Variants in CCDC88B observed in about 807,000 individuals in gnomAD.
The protein encoded by CCDC88B is coiled-coil domain-containing protein 88B.
Under a neutral mutation model 183.7 loss-of-function variants are expected in CCDC88B, and 138 were observed. The observed-to-expected ratio is 0.75, with a 90% CI of 0.65 to 0.87. CCDC88B has a LOEUF of 0.87. CCDC88B is among the 40% of genes least tolerant of loss of function. The pLI is 0.00. For synonymous variants in CCDC88B, 835 were observed against 867.5 expected (o/e 0.96, Z 0.66); for missense variants, 1,822 against 1,965.6 (o/e 0.93, Z 1.38).
intron 14 of CCDC88B, chr11:64,348,837 G>C: frequency 1.7e-6 from 1 of 601,370 alleles, no homozygotes; most frequent in Non-Finnish European, 3.0e-6. Context: ...CTAGCTGGCA[G>C]CATCCTGGCG....
intron 11 of CCDC88B, 37 bp from the exon 12 acceptor site, chr11:64,343,470 G>A: frequency 6.5e-7 from 1 of 1,542,254 alleles, no homozygotes; most frequent in Non-Finnish European, 8.7e-7. Flanking sequence ...CCTGGCCATG[G>A]TGTGGAGGGC....
chr11:64,342,856 A>C, intron 10 of CCDC88B, 176 bp downstream of exon 10: 2 of 364,306 alleles, frequency 5.5e-6, no homozygotes, highest in Non-Finnish European at 9.0e-6. Flanking sequence ...CCTCCAGAGG[A>C]TGGGGCAGGT....
At chr11:64,352,491 G>A in intron 19 of CCDC88B, 105 bp downstream of exon 19, 1 of 1,418,846 alleles carries the variant, frequency 7.0e-7, no homozygotes, top group Non-Finnish European at 9.3e-7. Flanking sequence ...CTCCACCTCC[G>A]CTCTGTGATG....
intron 16 of CCDC88B, chr11:64,350,040 G>T (rs1490202436): frequency 6.7e-6 from 2 of 300,554 alleles, no homozygotes; most frequent in African/African-American, 4.2e-5. Flanking sequence ...TGGTGGTGGG[G>T]CCCAATCCCA....
Position 64,343,545 on chromosome 11 carries a change from TGAG to T in CCDC88B, c.1252_1254del (p.Glu418del). The T allele has an allele frequency of 6.4e-7, 1 of 1,551,962 alleles. No individual in the cohort carries two copies. The highest frequency in any genetic ancestry group is 8.7e-7 in the Non-Finnish European group (1 of 1,147,118). On this transcript the variant is annotated inframe_deletion, in exon 12 of 27. Transcript: ENST00000356786. ...TGCGGCATCAGGTGGACCAGCTGGCTGAGGAGAATGTGGAGCTGGAGCTGGAGC... is the reference window on the plus strand; with the variant it reads ...TGCGGCATCAGGTGGACCAGCTGGCTGAGAATGTGGAGCTGGAGCTGGAGC...
rs1169402379 is a variant in CCDC88B at position 64,349,439 on chromosome 11, A to G, written c.2725A>G (p.Lys909Glu). 3.1e-6 allele frequency: 5 copies of G among 1,612,820 alleles called. No individual in the cohort carries two copies. Among genetic ancestry groups the G allele is most frequent in the Non-Finnish European group, 1.7e-6 (2 of 1,179,614 alleles). Reference protein sequence around the residue: ...ALERQEFLREKESQHQRYQGL... With the variant: ...ALERQEFLREEESQHQRYQGL... ...CGAGCGCCAGGAATTTCTGCGAGAAAAGGAAAGCCAGCACCAGAGGTGGGG... is the reference window on the plus strand; with the variant it reads ...CGAGCGCCAGGAATTTCTGCGAGAAGAGGAAAGCCAGCACCAGAGGTGGGG... The change falls in exon 15 of 27, where the codon AAG (lysine) becomes GAG (glutamate). Residue 909 changes from lysine (K) to glutamate (E), a missense_variant. Transcript: ENST00000356786.
chr11:64,357,452 C>G lies in CCDC88B; in HGVS notation c.*358C>G, dbSNP rs1341731773. ...CCAGGTGGGAAGCTGAGTCCCAGTG[C>G]TGGGGGACTGTGGCCTGGGCTGATC... On this transcript the variant is annotated 3_prime_UTR_variant, in exon 27 of 27. Transcript: ENST00000356786. 1.4e-6 allele frequency: 1 copy of G among 716,998 alleles called. No individual in the cohort carries two copies. The allele number at this position is 716,998 out of a possible 1,614,324, so 44.4% of individuals were successfully genotyped here. A position where few individuals can be genotyped will look rare whatever the true frequency, so the allele number is the denominator to read the frequency against.
rs145418746 is a variant in CCDC88B, at chr11:64,352,290, G to A, written c.3260G>A (p.Arg1087Gln). 1.0e-4 allele frequency: 159 copies of A among 1,575,978 alleles called. No individual in the cohort carries two copies. The highest frequency in any genetic ancestry group is 5.4e-5 in the African/African-American group (4 of 74,002). ...AAGGCCCTGGCACAGCTGCAGCGGC[G>A]GCAGGAGGCCGAGCTAGAGGGACTG... The part of the protein sequence containing the change: ...DHKALAQLQR[R>Q]QEAELEGLLV... The change falls in exon 19 of 27, where the codon CGG becomes CAG. Residue 1087 changes from arginine (R) to glutamine (Q), a missense_variant. By Grantham distance (43) the Arg-to-Gln change is conservative. Coordinates refer to ENST00000356786, the MANE Select transcript of CCDC88B (RefSeq NM_032251.6).
chr11:64,351,994 G>GC, intron 18 of CCDC88B, 136 bp from the exon 19 acceptor site: 1 of 1,255,512 alleles, frequency 8.0e-7, no homozygotes, highest in Non-Finnish European at 1.1e-6. Flanking sequence ...TGCCTGCTGT[G>GC]CCCCCAGCCC....
chr11:64,349,029 A>T, intron 14 of CCDC88B: 1 of 717,560 alleles, frequency 1.4e-6, no homozygotes, highest in African/African-American at 1.7e-5. Context: ...CACTGCGCAC[A>T]TGAAGAACCG....
chr11:64,345,128 G>A lies in CCDC88B; in HGVS notation c.2587G>A (p.Glu863Lys). ...CCAGCACTTGGAGGAGGCTGAGAGG[G>A]AGCGCCGGGAGAAGGAGGCCCTCCA... is the stretch of plus-strand genomic sequence containing the variant. ...GRQHLEEAERERREKEALQAE... is the reference protein window; with the variant it reads ...GRQHLEEAERKRREKEALQAE... The change falls in exon 14 of 27, where the codon GAG (glutamate) becomes AAG (lysine). Residue 863 changes from glutamate to lysine, a missense_variant. Coordinates refer to ENST00000356786, the MANE Select transcript of CCDC88B (RefSeq NM_032251.6). 1 of 1,547,514 alleles carries A rather than the reference G, an allele frequency of 6.5e-7. No homozygotes were observed. The highest frequency in any genetic ancestry group is 1.2e-5 in the South Asian group (1 of 84,696).
At chr11:64,341,862 G>T in intron 7 of CCDC88B, 120 bp downstream of exon 7, 1 of 468,742 alleles carries the variant, frequency 2.1e-6, no homozygotes, top group Non-Finnish European at 3.1e-6. Flanking sequence ...CTGAGGTCTT[G>T]GGCCATCAGT....
rs1242481801 is a variant in CCDC88B, at chr11:64,341,981, C to T, written c.676-13C>T. The T allele has an allele frequency of 2.5e-6, 4 of 1,612,668 alleles. No individual in the cohort carries two copies. In the South Asian group the frequency reaches 4.4e-5, roughly 18 times the overall value. Reference sequence around the variant, plus strand: ...GGATAAGTTAGTCCTGACCCTTGACCCCTGACCTACAGCGGCTGGCTGAAC... The same window carrying T: ...GGATAAGTTAGTCCTGACCCTTGACTCCTGACCTACAGCGGCTGGCTGAAC... On this transcript the variant is annotated splice_polypyrimidine_tract_variant and intron_variant, in intron 7 of 26. Coordinates refer to ENST00000356786, the MANE Select transcript of CCDC88B (RefSeq NM_032251.6).
rs532293245 is a variant in CCDC88B, at chr11:64,342,335, T to G, written c.863T>G (p.Val288Gly). 4 of 1,594,784 alleles carry G rather than the reference T, an allele frequency of 2.5e-6. No homozygotes were observed. The South Asian group carries it at 3.4e-5, about 14-fold the overall frequency. ...CTGCTGCTAGACTCCCAGGCCGAGG[T>G]GCAGGGTTTGGAGGCCGAAATAAGA... Reference protein sequence around the residue: ...AELLLDSQAEVQGLEAEIRRL... With the variant: ...AELLLDSQAEGQGLEAEIRRL... The change falls in exon 9 of 27, where the codon GTG becomes GGG. Residue 288 changes from valine (V) to glycine (G), a missense_variant. By Grantham distance (109) the Val-to-Gly change is moderately radical (BLOSUM62 -3). Transcript: ENST00000356786.
chr11:64,340,608 C>T lies in CCDC88B; in HGVS notation c.62C>T (p.Ala21Val), dbSNP rs760866032. ...CTGACCCCTCTGGGCTCCTCACAGGCGCTGGGACTGGCCGGGCTGGTCGGG... is the reference window on the plus strand; with the variant it reads ...CTGACCCCTCTGGGCTCCTCACAGGTGCTGGGACTGGCCGGGCTGGTCGGG... ...DFLSGSLATWALGLAGLVGEA... is the reference protein window; with the variant it reads ...DFLSGSLATWVLGLAGLVGEA... The change falls in exon 2 of 27, where the codon GCG becomes GTG. Residue 21 changes from alanine (A) to valine (V), a missense_variant and splice_region_variant. By Grantham distance (64) the Ala-to-Val change is moderately conservative. Coordinates refer to ENST00000356786, the MANE Select transcript of CCDC88B (RefSeq NM_032251.6). 3.1e-6 allele frequency: 5 copies of T among 1,607,270 alleles called. No homozygotes were observed. The South Asian group carries it at 5.5e-5, about 18-fold the overall frequency.
chr11:64,353,000 C>G, intron 20 of CCDC88B, 54 bp from the exon 21 acceptor site: 1 of 1,522,584 alleles, frequency 6.6e-7, no homozygotes, highest in Non-Finnish European at 8.8e-7. Flanking sequence ...CTCTGGCCAG[C>G]ACTCGGACTG....
intron 14 of CCDC88B, among the ~76,000 whole-genome samples, chr11:64,347,061 T>A (rs1453079013): frequency 3.3e-5 from 5 of 152,372 alleles, no homozygotes; most frequent in African/African-American, 1.2e-4. Context: ...CCCAAAGTGC[T>A]GGGATTACAG....
chr11:64,349,858 G>T, intron 16 of CCDC88B, 190 bp downstream of exon 16: 1 of 613,354 alleles, frequency 1.6e-6, no homozygotes, highest in Non-Finnish European at 2.9e-6. Flanking sequence ...GACTTATCTG[G>T]GGTCTCATTT....
At position 64,344,171 on chromosome 11, in the gene CCDC88B, T is replaced by G; in HGVS notation, c.1630T>G (p.Ser544Ala). 1 of 1,612,686 alleles carries G rather than the reference T, an allele frequency of 6.2e-7. No individual in the cohort carries two copies. Among genetic ancestry groups the G allele is most frequent in the Non-Finnish European group, 8.5e-7 (1 of 1,179,572 alleles). The part of the protein sequence containing the change: ...PPALDSVLEA[S>A]AECPQAPDSD... ...GGCATTAGACTCAGTGCTCGAGGCA[T>G]CAGCTGAGTGTCCCCAGGCACCTGA... Residue 544 changes from serine to alanine, a missense_variant, in exon 14 of 27, where the codon TCA (serine) becomes GCA (alanine). By Grantham distance (99) the Ser-to-Ala change is moderately conservative. Coordinates refer to ENST00000356786, the MANE Select transcript of CCDC88B (RefSeq NM_032251.6). The surrounding 1 kb of genome is among the most constrained non-coding windows in gnomAD (Gnocchi z 4.5).
Sources: allele counts gnomAD v4.1 joint callset (sites outside exome capture counted in the v4.1 genomes callset), GRCh38; gene constraint gnomAD v4.1.1; non-coding constraint Gnocchi (gnomAD v3.1); transcripts MANE v1.5; gene names NCBI Gene and HGNC (gene_info 2026-07-23, HGNC 2026-07-21).